TACC2: variants seen among roughly 807,000 people sequenced by gnomAD.
TACC2 encodes the protein transforming acidic coiled-coil-containing protein 2.
In TACC2, 137 loss-of-function variants were observed where a neutral mutation model predicts 227.3. That is an observed-to-expected ratio of 0.60 (90% confidence interval 0.52 to 0.69). TACC2 has a LOEUF of 0.69. Ranked by LOEUF, TACC2 falls within the 30% of genes least tolerant of loss-of-function variation. The probability of loss-of-function intolerance (pLI) is 0.00; values close to 1 mark genes in which losing one functional copy is unlikely to be tolerated. For missense variants in TACC2, 3,470 were observed against 3,694.4 expected (o/e 0.94, Z 1.57); for synonymous variants, 1,523 against 1,487.5 (o/e 1.02, Z -0.55).
chr10:122,081,861 A>G (rs148110298), intron 3 of TACC2, among the ~76,000 whole-genome samples: 1 of 152,322 alleles, frequency 6.6e-6, no homozygotes, highest in East Asian at 1.9e-4. Flanking sequence ...AATGTGAAGA[A>G]TCAAGTTAAC....
chr10:122,045,590 T>C (rs1307382886), intron 2 of TACC2, among the ~76,000 whole-genome samples: 1 of 152,234 alleles, frequency 6.6e-6, no homozygotes, highest in Non-Finnish European at 1.5e-5. Flanking sequence ...GAAAGAGAGC[T>C]ATGTAAATGC....
intron 3 of TACC2, among the ~76,000 whole-genome samples, chr10:122,070,637 C>T (rs1479295151): frequency 1.3e-5 from 2 of 151,620 alleles, no homozygotes; most frequent in Non-Finnish European, 2.9e-5. Flanking sequence ...CCTGTAATCC[C>T]AGCTACTTGG....
chr10:122,038,083 C>G (rs551496285), intron 2 of TACC2, among the ~76,000 whole-genome samples: 13 of 152,104 alleles, frequency 8.5e-5, no homozygotes, highest in African/African-American at 2.9e-4. Flanking sequence ...CATGGCGAGA[C>G]CCCTGTCTCT....
intron 16 of TACC2, among the ~76,000 whole-genome samples, chr10:122,236,366 G>A (rs978272538): frequency 4.6e-5 from 7 of 152,156 alleles, no homozygotes; most frequent in African/African-American, 1.7e-4. Flanking sequence ...GCCTGTTAGA[G>A]CACTCTAGTA....
rs370170658 is a variant in TACC2, at chr10:122,135,540, T to C, written c.5699+2806T>C. On this transcript the variant is annotated intron_variant, in intron 6 of 22. Coordinates refer to ENST00000369005, the MANE Select transcript of TACC2 (RefSeq NM_206862.4). ...CCTTGTTGGTGTTACTGAACATTTA[T>C]CCAGAGTCGTGTTGTCTTGTTGTTT... 5.9e-5 allele frequency among the ~76,000 whole-genome samples: 9 copies of C among 152,352 alleles called. No homozygotes were observed. In the East Asian group the frequency reaches 9.6e-4, roughly 16 times the overall value.
intron 19 of TACC2, 38 bp downstream of exon 19, chr10:122,242,039 G>T (rs370391679): frequency 6.3e-7 from 1 of 1,596,886 alleles, no homozygotes; most frequent in South Asian, 1.1e-5. Flanking sequence ...GGCCGGCCCC[G>T]ATGTTTCTGA....
chr10:122,218,787 G>A (rs2095463834), intron 11 of TACC2, among the ~76,000 whole-genome samples: 1 of 151,978 alleles, frequency 6.6e-6, no homozygotes, highest in Non-Finnish European at 1.5e-5. Flanking sequence ...ACTGAGGCAG[G>A]CAGATCACAT....
At chr10:122,242,936 A>G (rs1254082255) in intron 19 of TACC2, among the ~76,000 whole-genome samples, 1 of 152,078 alleles carries the variant, frequency 6.6e-6, no homozygotes, top group Non-Finnish European at 1.5e-5. Context: ...TGCCCAGCCC[A>G]TGATAACCAG....
At position 122,031,819 on chromosome 10, in the gene TACC2, C is replaced by T. The variant is rs1340619491; in HGVS notation, c.33+9805C>T. Among the ~76,000 whole-genome samples the T allele has an allele frequency of 2.0e-5, 3 of 152,178 alleles. No individual in the cohort carries two copies. In the East Asian group the frequency reaches 5.8e-4, roughly 29 times the overall value. ...TCCCAGGTTCAGGTGATTCTCCTGC[C>T]TCAGCCTCCCGAGTAGCTGGGATTA... On this transcript the variant is annotated intron_variant, in intron 2 of 22. Transcript: ENST00000369005.
At chr10:122,219,889 T>A (rs1175694001) in intron 11 of TACC2, among the ~76,000 whole-genome samples, 2 of 151,782 alleles carry the variant, frequency 1.3e-5, no homozygotes, top group Admixed American at 6.6e-5. Flanking sequence ...AATACAAAAA[T>A]TAGCTGGGCA....
At position 122,082,936 on chromosome 10, in the gene TACC2, GC is replaced by G; in HGVS notation, c.440del (p.Pro147GlnfsTer63). 1 of 1,613,050 alleles carries G rather than the reference GC, an allele frequency of 6.2e-7. No individual in the cohort carries two copies. On this transcript the variant is annotated frameshift_variant, in exon 4 of 23. Transcript: ENST00000369005. LOFTEE classifies it high-confidence loss of function. Reference sequence around the variant, plus strand: ...TCCCAGGAGGGAACCTGCCCCAAATGCCCCAGGAGACATCGCGGCGGCATTT... The same window carrying G: ...TCCCAGGAGGGAACCTGCCCCAAATGCCCAGGAGACATCGCGGCGGCATTT... ...QSPRREPAPN[A>X]PGDIAAAFPA... is the part of the protein sequence containing the mutation.
chr10:122,217,444 T>C (rs186080575), intron 11 of TACC2, among the ~76,000 whole-genome samples: 22 of 142,652 alleles, frequency 1.5e-4, no homozygotes, highest in South Asian at 1.4e-3. Context: ...TTTCTTTTTT[T>C]TTTTTTTTTT....
At chr10:122,047,580 A>T (rs1054540043) in intron 2 of TACC2, among the ~76,000 whole-genome samples, 4 of 152,192 alleles carry the variant, frequency 2.6e-5, no homozygotes, top group Non-Finnish European at 5.9e-5. Flanking sequence ...GCCCCGTGGA[A>T]GGGATCAAAC....
intron 3 of TACC2, among the ~76,000 whole-genome samples, chr10:122,074,674 A>G (rs551431507): frequency 6.6e-6 from 1 of 152,104 alleles, no homozygotes; most frequent in Non-Finnish European, 1.5e-5. Context: ...ACCATTCACA[A>G]CCACACAGCA....
intron 12 of TACC2, 48 bp from the exon 13 acceptor site, chr10:122,226,318 G>A (rs762487051): frequency 7.4e-6 from 10 of 1,356,830 alleles, no homozygotes; most frequent in Admixed American, 3.4e-5. Flanking sequence ...TCCGTTGCAC[G>A]TTCAGGCCAA....
chr10:122,163,777 T>C, intron 7 of TACC2: 1 of 1,222,536 alleles, frequency 8.2e-7, no homozygotes, highest in Non-Finnish European at 1.0e-6. Context: ...CTGCCGCCGC[T>C]CCCGCCGCCA....
intron 7 of TACC2, among the ~76,000 whole-genome samples, chr10:122,189,813 A>G (rs954570924): frequency 6.6e-6 from 1 of 152,250 alleles, no homozygotes; most frequent in Non-Finnish European, 1.5e-5. Flanking sequence ...GCAGTGCTCC[A>G]TGAAGGTAGG....
intron 2 of TACC2, among the ~76,000 whole-genome samples, chr10:122,035,502 G>A (rs919781159): frequency 1.3e-5 from 2 of 152,184 alleles, no homozygotes; most frequent in African/African-American, 4.8e-5. Context: ...TGATCTGCTC[G>A]AATGAAGCTT....
intron 2 of TACC2, among the ~76,000 whole-genome samples, chr10:122,026,444 TA>T (rs1485269445): frequency 8.0e-6 from 1 of 125,202 alleles, no homozygotes. Flanking sequence ...GATTTTCTGC[TA>T]TTTTTTTTTT....
Sources: allele counts gnomAD v4.1 joint callset (sites outside exome capture counted in the v4.1 genomes callset), GRCh38; gene constraint gnomAD v4.1.1; transcripts MANE v1.5; gene names NCBI Gene and HGNC (gene_info 2026-07-23, HGNC 2026-07-21).